NDRG3: variants seen among roughly 807,000 people sequenced by gnomAD.
NDRG3 encodes the protein NDRG family member 3.
NDRG3 carries 23 observed loss-of-function variants against 57.2 expected under a neutral mutation model. The ratio of observed to expected loss-of-function variants is 0.40; its 90% CI spans 0.29 to 0.57. NDRG3 has a LOEUF of 0.57. Ranked by LOEUF, NDRG3 falls within the 20% of genes least tolerant of loss-of-function variation. NDRG3 has a pLI of 0.42. For missense variants in NDRG3, 384 were observed against 457.3 expected (o/e 0.84, Z 1.46); for synonymous variants, 132 against 162.6 (o/e 0.81, Z 1.43).
chr20:36,696,077 C>T (rs1031732781), intron 3 of NDRG3, among the ~76,000 whole-genome samples: 8 of 152,134 alleles, frequency 5.3e-5, no homozygotes, highest in African/African-American at 1.4e-4. Context: ...GGGATTCCCC[C>T]GATAGCCCAG....
chr20:36,697,337 A>G (rs907447402), intron 3 of NDRG3, among the ~76,000 whole-genome samples: 3 of 152,002 alleles, frequency 2.0e-5, no homozygotes, highest in Non-Finnish European at 4.4e-5. Flanking sequence ...TCTGGTGCTC[A>G]TTTCTCTTCC....
chr20:36,702,757 C>T (rs536730658), intron 3 of NDRG3, among the ~76,000 whole-genome samples: 2 of 151,370 alleles, frequency 1.3e-5, no homozygotes, highest in Admixed American at 6.6e-5. Context: ...GGTGCGATCT[C>T]GGCTCACCTC....
At chr20:36,723,238 C>A (rs947675975) in intron 1 of NDRG3, among the ~76,000 whole-genome samples, 14 of 152,110 alleles carry the variant, frequency 9.2e-5, no homozygotes, top group African/African-American at 3.1e-4. Flanking sequence ...ATAGGGAGAG[C>A]AGAATGGGGA....
chr20:36,684,155 C>A (rs1411311763), intron 6 of NDRG3, among the ~76,000 whole-genome samples: 1 of 152,164 alleles, frequency 6.6e-6, no homozygotes, highest in Admixed American at 6.6e-5. Flanking sequence ...TAGGTCTCAG[C>A]GTGTGTGCCA....
intron 9 of NDRG3, among the ~76,000 whole-genome samples, chr20:36,669,173 C>T (rs1338453380): frequency 1.3e-5 from 2 of 151,880 alleles, no homozygotes; most frequent in African/African-American, 4.8e-5. Context: ...TCTCTTGCCT[C>T]AGCCTCCCGA....
At chr20:36,737,792 A>G (rs1468687133) in intron 1 of NDRG3, among the ~76,000 whole-genome samples, 1 of 152,140 alleles carries the variant, frequency 6.6e-6, no homozygotes, top group Non-Finnish European at 1.5e-5. Context: ...AATAATTCTG[A>G]AAATTGGCTG....
At chr20:36,712,583 ATATATTTTT>A (rs1983976421) in intron 2 of NDRG3, among the ~76,000 whole-genome samples, 2 of 10,926 alleles carry the variant, frequency 1.8e-4, no homozygotes, top group African/African-American at 3.5e-4. Context: ...ATATATATAT[ATATATTTTT>A]TTTTTTTTTT....
At chr20:36,666,506 T>G (rs1600862391) in intron 9 of NDRG3, 114 bp from the exon 10 acceptor site, 2 of 729,602 alleles carry the variant, frequency 2.7e-6, no homozygotes, top group Non-Finnish European at 4.9e-6. Flanking sequence ...TGATGGGAAC[T>G]GGGGCAGAGC....
intron 3 of NDRG3, chr20:36,700,401 C>T (rs1465773953): frequency 1.9e-6 from 1 of 515,086 alleles, no homozygotes. Flanking sequence ...ATATGCTTAG[C>T]AGAATAAAAA....
intron 2 of NDRG3, among the ~76,000 whole-genome samples, chr20:36,710,324 T>C (rs777425480): frequency 6.6e-6 from 1 of 151,480 alleles, no homozygotes; most frequent in Non-Finnish European, 1.5e-5. Context: ...TCCTGTCTCA[T>C]AAATAAATAA....
chr20:36,727,763 G>A (rs919219140), intron 1 of NDRG3, among the ~76,000 whole-genome samples: 5 of 151,462 alleles, frequency 3.3e-5, no homozygotes, highest in African/African-American at 1.2e-4. Flanking sequence ...GGATGGTCTC[G>A]ATCTCCTGAC....
At chr20:36,678,649 C>T (rs1980969715) in intron 8 of NDRG3, among the ~76,000 whole-genome samples, 1 of 152,206 alleles carries the variant, frequency 6.6e-6, no homozygotes, top group South Asian at 2.1e-4. Context: ...CACTGCACTC[C>T]AGCCTGGGCG....
chr20:36,734,696 CTGTTCTA>C (rs1985518378), intron 1 of NDRG3, among the ~76,000 whole-genome samples: 1 of 151,880 alleles, frequency 6.6e-6, no homozygotes, highest in African/African-American at 2.4e-5. Flanking sequence ...TGTGGGAGGT[CTGTTCTA>C]TGCATTGCAG....
intron 2 of NDRG3, among the ~76,000 whole-genome samples, chr20:36,721,382 A>G (rs1004764577): frequency 1.3e-5 from 2 of 151,806 alleles, no homozygotes; most frequent in African/African-American, 4.8e-5. Flanking sequence ...TACAAAAATT[A>G]GCTGGGCGTG....
Position 36,660,371 on chromosome 20 carries a change from G to A in NDRG3, c.824C>T (p.Ser275Phe), listed in dbSNP as rs1979065953. The A allele has an allele frequency of 6.2e-7, 1 of 1,607,286 alleles. No homozygotes were observed. Among genetic ancestry groups the A allele is most frequent in the South Asian group, 1.1e-5 (1 of 90,644 alleles). The change falls in exon 13 of 16, where the codon TCC becomes TTC. Residue 275 changes from serine to phenylalanine, a missense_variant. Ser to Phe is a radical substitution (Grantham distance 155, BLOSUM62 -2). Transcript: ENST00000349004. ...AGTTGTATTTATAGGGTTCAGGCGG[G>A]AATTGCATTCGACCTAAAATTTAAA... ...PAVEAVVECN[S>F]RLNPINTTLL... is the part of the protein sequence containing the mutation.
intron 3 of NDRG3, among the ~76,000 whole-genome samples, chr20:36,699,770 A>G (rs1983087916): frequency 2.0e-5 from 3 of 151,876 alleles, no homozygotes; most frequent in Admixed American, 2.0e-4. Flanking sequence ...GAAGGTCAGG[A>G]GAAGGATGGT....
chr20:36,740,004 C>T lies in NDRG3; in HGVS notation c.-49+6041G>A, dbSNP rs112446001. On this transcript the variant is annotated intron_variant, in intron 1 of 15. Transcript: ENST00000349004. ...ATAAAGAGTGGCTATATCCAGAATT[C>T]TACTTGATCAATTGAAAACCCCAGA... Among the ~76,000 whole-genome samples the T allele has an allele frequency of 4.7e-3, 707 of 151,404 alleles. 9 individuals carry two copies. The highest frequency in any genetic ancestry group is 0.016 in the African/African-American group (673 of 41,272).
chr20:36,732,992 C>T (rs1321762783), intron 1 of NDRG3, among the ~76,000 whole-genome samples: 2 of 150,548 alleles, frequency 1.3e-5, no homozygotes, highest in African/African-American at 4.9e-5. Context: ...ATAAAAAATA[C>T]AAAAATTAGC....
chr20:36,653,758 C>G lies in NDRG3; in HGVS notation c.947-57G>C. 1.3e-6 allele frequency: 2 copies of G among 1,517,262 alleles called. No individual in the cohort carries two copies. The highest frequency in any genetic ancestry group is 9.0e-7 in the Non-Finnish European group (1 of 1,112,584). 94.0% of individuals were successfully genotyped at this position (1,517,262 alleles called of 1,614,324 possible). On this transcript the variant is annotated intron_variant, in intron 15 of 15. Coordinates refer to ENST00000349004, the MANE Select transcript of NDRG3 (RefSeq NM_032013.4). This position sits in a 1 kb window ranked among gnomAD's most constrained non-coding sequence, Gnocchi z 4.2. ...GAAGCCCCGGTTAAGCCCAGCTAAC[C>G]TAGGAGTCTCATCAAAGTCTTTATG...
Sources: allele counts gnomAD v4.1 joint callset (sites outside exome capture counted in the v4.1 genomes callset), GRCh38; gene constraint gnomAD v4.1.1; non-coding constraint Gnocchi (gnomAD v3.1); transcripts MANE v1.5; gene names NCBI Gene and HGNC (gene_info 2026-07-23, HGNC 2026-07-21).